Variants in LIMCH1 observed in about 807,000 individuals in gnomAD.
LIMCH1 encodes LIM and calponin homology domains-containing protein 1.
LIMCH1 carries 113 observed loss-of-function variants against 176.5 expected under a neutral mutation model. The ratio of observed to expected loss-of-function variants is 0.64; its 90% CI spans 0.55 to 0.75. The LOEUF (loss-of-function observed/expected upper bound fraction) is 0.75, where lower values mean the gene tolerates loss of function less well. LIMCH1 is among the 30% of genes least tolerant of loss of function. The pLI, the probability that LIMCH1 is intolerant of heterozygous loss-of-function variation, is 0.00. For synonymous variants in LIMCH1, 619 were observed against 645.9 expected (o/e 0.96, Z 0.63); for missense variants, 1,674 against 1,814.9 (o/e 0.92, Z 1.41).
At chr4:41,528,064 A>C (rs2076869354) in intron 3 of LIMCH1, among the ~76,000 whole-genome samples, 1 of 152,206 alleles carries the variant, frequency 6.6e-6, no homozygotes, top group East Asian at 1.9e-4. Flanking sequence ...CTTTGTGTAT[A>C]TAGGAGAATA....
rs148147336 is a variant in LIMCH1, at chr4:41,467,158, TACACACACACACACAC to T, written c.97-27346_97-27331del. ...CCATATATATATGTGTATGTATATA[TACACACACACACACAC>T]ACACACACACACACACACACACACA... On this transcript the variant is annotated intron_variant, in intron 1 of 26. Coordinates refer to the LIMCH1 transcript ENST00000313860. 3.0e-3 allele frequency among the ~76,000 whole-genome samples: 432 copies of T among 143,548 alleles called. 4 individuals are homozygous for T. Among genetic ancestry groups the T allele is most frequent in the Non-Finnish European group, 3.6e-3 (236 of 65,294 alleles). The allele number at this position is 143,548 out of a possible 152,430, so 94.2% of individuals were successfully genotyped here. A position where few individuals can be genotyped will look rare whatever the true frequency, so the allele number is the denominator to read the frequency against.
chr4:41,666,849 T>C (rs1430130107), intron 21 of LIMCH1, among the ~76,000 whole-genome samples, 183 bp downstream of exon 21: 1 of 152,212 alleles, frequency 6.6e-6, no homozygotes, highest in African/African-American at 2.4e-5. Context: ...GATTCTCTAT[T>C]TGAGCAGACC....
intron 1 of LIMCH1, among the ~76,000 whole-genome samples, chr4:41,579,237 C>T (rs369860608): frequency 6.6e-6 from 1 of 152,092 alleles, no homozygotes; most frequent in East Asian, 1.9e-4. Context: ...GACTTTGTAC[C>T]TCTCAATATC....
At chr4:41,653,541 C>T (rs1481116395) in intron 18 of LIMCH1, among the ~76,000 whole-genome samples, 2 of 152,206 alleles carry the variant, frequency 1.3e-5, no homozygotes, top group African/African-American at 4.8e-5. Flanking sequence ...AAACTGCATT[C>T]CCAACAGATA....
intron 4 of LIMCH1, chr4:41,612,945 C>A (rs192318024): frequency 6.4e-5 from 97 of 1,521,898 alleles, no homozygotes; most frequent in Admixed American, 2.7e-4. Context: ...TGAACGCGTG[C>A]TGCTCCAGGA....
At chr4:41,420,946 C>A (rs761848920) in intron 1 of LIMCH1, among the ~76,000 whole-genome samples, 3 of 152,206 alleles carry the variant, frequency 2.0e-5, no homozygotes, top group Non-Finnish European at 2.9e-5. Flanking sequence ...AAGGTGCATA[C>A]AAGGCTTACT....
At chr4:41,623,940 C>T (rs1240755574) in intron 7 of LIMCH1, among the ~76,000 whole-genome samples, 3 of 152,128 alleles carry the variant, frequency 2.0e-5, no homozygotes, top group South Asian at 2.1e-4. Flanking sequence ...TTAGAGTTTC[C>T]ACTGAAGGGA....
Position 41,667,412 on chromosome 4 carries a change from G to A in LIMCH1, c.3397+746G>A, listed in dbSNP as rs185295920. On this transcript the variant is annotated intron_variant, in intron 21 of 31. Transcript: ENST00000503057. ...ACATTCTCATATATATATGAGAAAC[G>A]TGTGTGTGTGTGTAATACACATACA... 5.1e-3 allele frequency among the ~76,000 whole-genome samples: 593 copies of A among 117,056 alleles called. 7 individuals carry two copies. The highest frequency in any genetic ancestry group is 6.0e-3 in the Non-Finnish European group (279 of 46,832). 76.8% of individuals were successfully genotyped at this position (117,056 alleles called of 152,430 possible). A position where few individuals can be genotyped will look rare whatever the true frequency, so the allele number is the denominator to read the frequency against.
chr4:41,493,201 A>G (rs1473583988), intron 1 of LIMCH1, among the ~76,000 whole-genome samples: 2 of 152,098 alleles, frequency 1.3e-5, no homozygotes, highest in Non-Finnish European at 2.9e-5. Flanking sequence ...AAGTATTGAC[A>G]TGGTCAGGTT....
chr4:41,368,817 G>A (rs775762953), intron 1 of LIMCH1, among the ~76,000 whole-genome samples: 1 of 152,198 alleles, frequency 6.6e-6, no homozygotes, highest in Non-Finnish European at 1.5e-5. Flanking sequence ...TTTTACATCT[G>A]AGGCACAGAT....
intron 23 of LIMCH1, among the ~76,000 whole-genome samples, chr4:41,679,559 C>T (rs867085660): frequency 2.0e-5 from 3 of 152,196 alleles, no homozygotes; most frequent in African/African-American, 4.8e-5. Flanking sequence ...ATCTTGTCCA[C>T]GGTGGACCTT....
At chr4:41,528,553 C>G (rs2076926755) in intron 3 of LIMCH1, among the ~76,000 whole-genome samples, 1 of 152,014 alleles carries the variant, frequency 6.6e-6, no homozygotes, top group Admixed American at 6.5e-5. Context: ...TAGAAAAATC[C>G]CTGAAATACT....
intron 1 of LIMCH1, among the ~76,000 whole-genome samples, chr4:41,422,436 C>T (rs1300205128): frequency 1.3e-5 from 2 of 152,074 alleles, no homozygotes; most frequent in Admixed American, 6.5e-5. Flanking sequence ...GATCTGCCTG[C>T]CTCGGCCTCC....
intron 1 of LIMCH1, among the ~76,000 whole-genome samples, chr4:41,427,884 C>A (rs1023424088): frequency 2.6e-5 from 4 of 151,490 alleles, no homozygotes; most frequent in Non-Finnish European, 1.5e-5. Flanking sequence ...ATTGTCTAGT[C>A]CTTAGAGCTT....
chr4:41,607,812 G>GT (rs2090924915), intron 4 of LIMCH1, among the ~76,000 whole-genome samples: 1 of 152,300 alleles, frequency 6.6e-6, no homozygotes, highest in Admixed American at 6.5e-5. Flanking sequence ...ACATGGTGGA[G>GT]TAAGTAGTAT....
chr4:41,363,743 G>A (rs920750892), intron 1 of LIMCH1, among the ~76,000 whole-genome samples: 24 of 152,088 alleles, frequency 1.6e-4, no homozygotes, highest in African/African-American at 5.1e-4. Flanking sequence ...GTTGGCAAAG[G>A]TGAAAGCTCT....
chr4:41,494,885 G>A lies in LIMCH1; in HGVS notation c.167+279G>A, dbSNP rs1028593366. On this transcript the variant is annotated intron_variant, in intron 2 of 26. Coordinates refer to the LIMCH1 transcript ENST00000313860. The stretch of plus-strand genomic sequence containing the variant: ...AATCTTTCACTGTGCATCAATTTGA[G>A]CCCATGTAATTGTAAGGGTGGACCT... 7.9e-5 allele frequency among the ~76,000 whole-genome samples: 12 copies of A among 152,252 alleles called. No individual in the cohort carries two copies. The South Asian group carries it at 2.1e-3, about 26-fold the overall frequency.
rs751124176 is a variant in LIMCH1, at chr4:41,502,999, GTCCA to G, written c.167+8440_167+8443del. Among the ~76,000 whole-genome samples, 1,142 of 138,400 alleles carry G rather than the reference GTCCA, an allele frequency of 8.3e-3. 17 individuals carry two copies. The highest frequency in any genetic ancestry group is 0.021 in the African/African-American group (754 of 35,180). 90.8% of individuals were successfully genotyped at this position (138,400 alleles called of 152,430 possible). A position where few individuals can be genotyped will look rare whatever the true frequency, so the allele number is the denominator to read the frequency against. On this transcript the variant is annotated intron_variant, in intron 2 of 26. Transcript: ENST00000313860. ...ATTGTGTTATCTGACTGGTCTGTCT[GTCCA>G]TCCATCCATCCATCCATCCATCCAT...
At chr4:41,616,293 C>G (rs1224503995) in intron 5 of LIMCH1, among the ~76,000 whole-genome samples, 1 of 151,806 alleles carries the variant, frequency 6.6e-6, no homozygotes, top group African/African-American at 2.4e-5. Flanking sequence ...TTCAGGAGGC[C>G]AAGGTGAGTA....
Sources: allele counts gnomAD v4.1 joint callset (sites outside exome capture counted in the v4.1 genomes callset), GRCh38; gene constraint gnomAD v4.1.1; transcripts MANE v1.5; gene names NCBI Gene and HGNC (gene_info 2026-07-23, HGNC 2026-07-21).